The following PAK1 variants were observed in gnomAD, a reference collection of about 807,000 sequenced individuals.
PAK1 encodes the protein serine/threonine-protein kinase PAK 1.
PAK1 carries 29 observed loss-of-function variants against 67.4 expected under a neutral mutation model. That is an observed-to-expected ratio of 0.43 (90% CI 0.32 to 0.59). The LOEUF (loss-of-function observed/expected upper bound fraction) is 0.59. Among genes scored for constraint, PAK1 ranks in the 20% least tolerant of loss-of-function variants. PAK1 has a pLI of 0.07. For missense variants in PAK1, 337 were observed against 670.7 expected, an observed-to-expected ratio of 0.50 and a Z score of 5.50; for synonymous variants, 223 against 237.4, an observed-to-expected ratio of 0.94 and a Z score of 0.56.
intron 12 of PAK1, 105 bp downstream of exon 12, chr11:77,337,219 A>G: frequency 1.8e-6 from 1 of 555,802 alleles, no homozygotes; most frequent in Non-Finnish European, 3.3e-6. Context: ...GAAATCATAA[A>G]GACCCTTTGG....
chr11:77,337,223 C>T, intron 12 of PAK1, 101 bp downstream of exon 12: 1 of 544,484 alleles, frequency 1.8e-6, no homozygotes. Flanking sequence ...TCATAAAGAC[C>T]CTTTGGTGAG....
intron 11 of PAK1, among the ~76,000 whole-genome samples, chr11:77,338,822 C>T (rs1943135782): frequency 1.3e-5 from 2 of 152,014 alleles, no homozygotes; most frequent in Non-Finnish European, 2.9e-5. Context: ...AAGCCAATTA[C>T]AAAAGAGCAA....
the PAK1 span, among the ~76,000 whole-genome samples, chr11:77,516,583 C>T: frequency 3.9e-5 from 6 of 152,274 alleles, no homozygotes; most frequent in East Asian, 1.2e-3. Flanking sequence ...GATAAGGACT[C>T]TTTTGTTTCT....
the PAK1 span, among the ~76,000 whole-genome samples, chr11:77,512,431 AG>A: frequency 6.6e-6 from 1 of 152,136 alleles, no homozygotes; most frequent in African/African-American, 2.4e-5. Context: ...TGTTTGGAGC[AG>A]TATTTCTAAT....
intron 1 of PAK1, among the ~76,000 whole-genome samples, chr11:77,465,778 T>C (rs1372486827): frequency 6.6e-6 from 1 of 151,908 alleles, no homozygotes; most frequent in Admixed American, 6.6e-5. Flanking sequence ...GGCAAAACCC[T>C]GTCTCTACAA....
At chr11:77,510,316 T>C in the PAK1 span, among the ~76,000 whole-genome samples, 1,936 of 152,362 alleles carry the variant, frequency 0.013, 12 homozygotes, top group Middle Eastern at 0.031. Context: ...TGGTGATACG[T>C]GTGACTGCCT....
At chr11:77,365,360 G>C (rs1370319082) in intron 5 of PAK1, among the ~76,000 whole-genome samples, 2 of 146,428 alleles carry the variant, frequency 1.4e-5, no homozygotes, top group East Asian at 2.0e-4. Context: ...GAGCATCAAA[G>C]AGCTGTGGAA....
At chr11:77,346,722 T>C (rs1204646854) in intron 9 of PAK1, among the ~76,000 whole-genome samples, 2 of 152,184 alleles carry the variant, frequency 1.3e-5, no homozygotes, top group Admixed American at 6.5e-5. Flanking sequence ...GACGTACTTA[T>C]ATTATCACAG....
chr11:77,445,940 C>T (rs1956578678), intron 1 of PAK1, among the ~76,000 whole-genome samples: 1 of 152,300 alleles, frequency 6.6e-6, no homozygotes, highest in South Asian at 2.1e-4. Flanking sequence ...TAAGCACATT[C>T]AGGGTTGAAA....
At chr11:77,449,552 C>T (rs1956765414) in intron 1 of PAK1, among the ~76,000 whole-genome samples, 1 of 152,174 alleles carries the variant, frequency 6.6e-6, no homozygotes, top group Non-Finnish European at 1.5e-5. Flanking sequence ...TATCATCTCA[C>T]TTTTCCTCAA....
At chr11:77,428,653 A>G (rs1395561819) in intron 1 of PAK1, among the ~76,000 whole-genome samples, 2 of 151,960 alleles carry the variant, frequency 1.3e-5, no homozygotes, top group East Asian at 1.9e-4. Flanking sequence ...TGAGTCCATC[A>G]GGAGGGGGAG....
intron 1 of PAK1, among the ~76,000 whole-genome samples, chr11:77,430,505 G>C (rs1955810459): frequency 6.6e-6 from 1 of 152,210 alleles, no homozygotes; most frequent in Non-Finnish European, 1.5e-5. Context: ...ACAAGCTGTA[G>C]CTGTCAACAA....
intron 1 of PAK1, among the ~76,000 whole-genome samples, chr11:77,453,253 C>G (rs561202483): frequency 6.6e-6 from 1 of 152,214 alleles, no homozygotes; most frequent in South Asian, 2.1e-4. Flanking sequence ...ACTCAGGAGG[C>G]TGAGGCAGAA....
chr11:77,503,011 AT>A, the PAK1 span, among the ~76,000 whole-genome samples: 2 of 152,174 alleles, frequency 1.3e-5, no homozygotes, highest in Non-Finnish European at 2.9e-5. Flanking sequence ...AATTTCTCAA[AT>A]TTGATGTGAG....
At chr11:77,339,453 G>A (rs1298351477) in intron 11 of PAK1, among the ~76,000 whole-genome samples, 1 of 151,474 alleles carries the variant, frequency 6.6e-6, no homozygotes, top group Non-Finnish European at 1.5e-5. Context: ...AGGAGATAAT[G>A]AAAAGAAGGT....
chr11:77,489,916 T>G, the PAK1 span, among the ~76,000 whole-genome samples: 1 of 151,456 alleles, frequency 6.6e-6, no homozygotes, highest in Admixed American at 6.6e-5. Flanking sequence ...GCCTATCGTC[T>G]GGGATGTGAG....
chr11:77,438,867 A>T (rs1956237895), intron 1 of PAK1, among the ~76,000 whole-genome samples: 1 of 152,248 alleles, frequency 6.6e-6, no homozygotes, highest in Non-Finnish European at 1.5e-5. Context: ...ACATTCTGCA[A>T]GCCTATGAAA....
chr11:77,333,693 G>A (rs951478278), intron 13 of PAK1, among the ~76,000 whole-genome samples: 5 of 152,010 alleles, frequency 3.3e-5, no homozygotes, highest in East Asian at 1.9e-4. Flanking sequence ...TAAATGAAGC[G>A]TCTCCTGGGA....
At chr11:77,427,264 T>C (rs180732653) in intron 1 of PAK1, among the ~76,000 whole-genome samples, 1 of 152,320 alleles carries the variant, frequency 6.6e-6, no homozygotes, top group East Asian at 1.9e-4. Context: ...ATGCTGGCCT[T>C]CAGACAATTT....
Sources: allele counts gnomAD v4.1 joint callset (sites outside exome capture counted in the v4.1 genomes callset), GRCh38; gene constraint gnomAD v4.1.1; transcripts MANE v1.5; gene names NCBI Gene and HGNC (gene_info 2026-07-23, HGNC 2026-07-21).